The following SRSF12 variants were observed in gnomAD, a reference collection of about 807,000 sequenced individuals.
The protein encoded by SRSF12 is serine and arginine rich splicing factor 12.
SRSF12 carries 21 observed loss-of-function variants against 34.1 expected under a neutral mutation model. The observed-to-expected ratio is 0.62, with a 90% CI of 0.44 to 0.89. The LOEUF (loss-of-function observed/expected upper bound fraction) is 0.89, where lower values mean the gene tolerates loss of function less well. Ranked by LOEUF, SRSF12 falls within the 40% of genes least tolerant of loss-of-function variation. SRSF12 has a pLI of 0.00. For synonymous variants in SRSF12, 111 were observed against 110.8 expected, an observed-to-expected ratio of 1.00 and a Z score of -0.01; for missense variants, 278 against 327.8, an observed-to-expected ratio of 0.85 and a Z score of 1.17.
chr6:89,117,692 G>A (rs1769375752), intron 1 of SRSF12, 131 bp downstream of exon 1: 1 of 894,732 alleles, frequency 1.1e-6, no homozygotes. Flanking sequence ...TCCCCAAGTG[G>A]CGCAGCCTGG....
chr6:89,105,661 T>C, intron 2 of SRSF12, 131 bp from the exon 3 acceptor site: 3 of 608,652 alleles, frequency 4.9e-6, no homozygotes, highest in East Asian at 3.0e-5. Context: ...TTCAATATAA[T>C]ATGAATAATC....
At chr6:89,103,896 A>C (rs1241580143) in intron 4 of SRSF12, among the ~76,000 whole-genome samples, 2 of 151,832 alleles carry the variant, frequency 1.3e-5, no homozygotes, top group Non-Finnish European at 2.9e-5. Context: ...ATACTGCCAT[A>C]CTTGGAATTT....
chr6:89,108,184 AG>A (rs1473092233), intron 1 of SRSF12, among the ~76,000 whole-genome samples: 1 of 152,228 alleles, frequency 6.6e-6, no homozygotes, highest in Non-Finnish European at 1.5e-5. Context: ...ACCAAAAAAA[AG>A]AAACAGCATG....
chr6:89,115,623 T>TTTTC (rs1317376367), intron 1 of SRSF12, among the ~76,000 whole-genome samples: 215 of 147,570 alleles, frequency 1.5e-3, no homozygotes, highest in Middle Eastern at 0.011. Context: ...GGGTTTTCTT[T>TTTTC]TTTCTTTCTT....
chr6:89,116,917 A>C lies in SRSF12; in HGVS notation c.65+906T>G, dbSNP rs1769326269. On this transcript the variant is annotated intron_variant, in intron 1 of 4. Coordinates refer to ENST00000452027, the MANE Select transcript of SRSF12 (RefSeq NM_080743.5). The stretch of plus-strand genomic sequence containing the variant: ...TCTCTGGCCCCAGGTAAATCATTAA[A>C]ACTCTTAGTTTCCGCTCTCCCTTAT... Among the ~76,000 whole-genome samples the C allele has an allele frequency of 2.0e-5, 3 of 152,242 alleles. No individual in the cohort carries two copies. In the East Asian group the frequency reaches 5.8e-4, roughly 29 times the overall value.
chr6:89,117,613 G>A (rs1390556016), intron 1 of SRSF12, among the ~76,000 whole-genome samples: 2 of 152,142 alleles, frequency 1.3e-5, no homozygotes, highest in African/African-American at 4.8e-5. Context: ...CGCCGGGGCT[G>A]AAAGCTGGCC....
At chr6:89,112,422 T>C (rs1769096355) in intron 1 of SRSF12, among the ~76,000 whole-genome samples, 1 of 151,604 alleles carries the variant, frequency 6.6e-6, no homozygotes, top group East Asian at 1.9e-4. Context: ...AATTAATTTC[T>C]TTCTAGTCTC....
chr6:89,112,092 C>T (rs752755019), intron 1 of SRSF12, among the ~76,000 whole-genome samples: 1 of 151,246 alleles, frequency 6.6e-6, no homozygotes, highest in Non-Finnish European at 1.5e-5. Flanking sequence ...ACTGCAACCT[C>T]CTCCTCCCCG....
At chr6:89,105,737 AAAAAT>A in intron 2 of SRSF12, 1 of 334,148 alleles carries the variant, frequency 3.0e-6, no homozygotes, top group Non-Finnish European at 5.4e-6. Flanking sequence ...GAGTGAGTCT[AAAAAT>A]AAAAAGAACA....
Position 89,118,034 on chromosome 6 carries a change from G to C in SRSF12, c.-147C>G. Reference sequence around the variant, plus strand: ...TCAGCCCCGCCAGCGCGCAGCCGCAGAGGCCGGCGCAGAGGGGGCGCAGCG... The same window carrying C: ...TCAGCCCCGCCAGCGCGCAGCCGCACAGGCCGGCGCAGAGGGGGCGCAGCG... On this transcript the variant is annotated 5_prime_UTR_variant, in exon 1 of 5. Coordinates refer to ENST00000452027, the MANE Select transcript of SRSF12 (RefSeq NM_080743.5). 2 of 736,516 alleles carry C rather than the reference G, an allele frequency of 2.7e-6. No individual in the cohort carries two copies. The highest frequency in any genetic ancestry group is 2.0e-6 in the Non-Finnish European group (1 of 507,126). The allele number at this position is 736,516 out of a possible 1,614,324, so 45.6% of individuals were successfully genotyped here.
At chr6:89,117,344 G>A (rs1769352849) in intron 1 of SRSF12, among the ~76,000 whole-genome samples, 1 of 152,220 alleles carries the variant, frequency 6.6e-6, no homozygotes. Flanking sequence ...GAAACTGTAA[G>A]GCCCGAGTAC....
In SRSF12 at chr6:89,098,808, G is replaced by T; in HGVS notation, c.556C>A (p.Gln186Lys). The change falls in exon 5 of 5, where the codon CAA becomes AAA. Residue 186 changes from glutamine (Q) to lysine (K), a missense_variant. Gln to Lys is a moderately conservative substitution (Grantham distance 53, BLOSUM62 1). Transcript: ENST00000452027. ...TTTCCTATTGACTTGGACCTCTTTT[G>T]TAAGGACTTGGACCTTGACCGTCCT... ...SRGRSRSKSL[Q>K]KRSKSIGKSQ... 5 of 1,613,914 alleles carry T rather than the reference G, an allele frequency of 3.1e-6. No homozygotes were observed. The highest frequency in any genetic ancestry group is 3.4e-6 in the Non-Finnish European group (4 of 1,179,890).
At chr6:89,100,235 A>G (rs1768475205) in intron 4 of SRSF12, among the ~76,000 whole-genome samples, 1 of 152,216 alleles carries the variant, frequency 6.6e-6, no homozygotes, top group Non-Finnish European at 1.5e-5. Context: ...ACTGCGCTGA[A>G]ATTTTTATCA....
At chr6:89,114,218 A>G (rs1479634773) in intron 1 of SRSF12, among the ~76,000 whole-genome samples, 1 of 152,188 alleles carries the variant, frequency 6.6e-6, no homozygotes, top group Non-Finnish European at 1.5e-5. Flanking sequence ...ACCTGACATC[A>G]AGAGTTCGAG....
At chr6:89,110,998 G>GCTA (rs1204167514) in intron 1 of SRSF12, among the ~76,000 whole-genome samples, 2 of 152,078 alleles carry the variant, frequency 1.3e-5, no homozygotes, top group African/African-American at 4.8e-5. Flanking sequence ...TATAATCCCA[G>GCTA]CTACTTAGGA....
intron 1 of SRSF12, among the ~76,000 whole-genome samples, chr6:89,115,191 G>A (rs533577951): frequency 3.3e-5 from 5 of 152,022 alleles, no homozygotes; most frequent in East Asian, 1.9e-4. Context: ...TTGACCTCCC[G>A]GGCTCAAGTG....
At chr6:89,099,413 TAC>T (rs1554182352) in intron 4 of SRSF12, among the ~76,000 whole-genome samples, 1 of 140,032 alleles carries the variant, frequency 7.1e-6, no homozygotes, top group African/African-American at 2.8e-5. Context: ...CATATATATA[TAC>T]ATATATATAT....
intron 4 of SRSF12, among the ~76,000 whole-genome samples, chr6:89,104,422 G>A (rs1768690297): frequency 6.6e-6 from 1 of 151,760 alleles, no homozygotes; most frequent in South Asian, 2.1e-4. Context: ...ATTTTTAGTA[G>A]AGGCGGGGTT....
At chr6:89,106,501 G>C (rs1025822091) in intron 2 of SRSF12, among the ~76,000 whole-genome samples, 1 of 152,098 alleles carries the variant, frequency 6.6e-6, no homozygotes, top group African/African-American at 2.4e-5. Flanking sequence ...ATACTGGTTT[G>C]TAATATCCCA....
Sources: gnomAD v4.1 joint callset for allele counts (sites outside exome capture counted in the v4.1 genomes callset) on GRCh38, gnomAD v4.1.1 for gene constraint, MANE v1.5 for transcripts, NCBI Gene and HGNC (gene_info 2026-07-23, HGNC 2026-07-21) for gene names.